The following GAP43 variants were observed in gnomAD, a reference collection of about 807,000 sequenced individuals.
The protein encoded by GAP43 is growth associated protein 43, also known as neuromodulin.
Under a neutral mutation model 18.6 loss-of-function variants are expected in GAP43, and 6 were observed. That is an observed-to-expected ratio of 0.32 (90% CI 0.18 to 0.64). GAP43 has a LOEUF of 0.64. Ranked by LOEUF, GAP43 falls within the 30% of genes least tolerant of loss-of-function variation. The pLI is 0.78. For missense variants in GAP43, 292 were observed against 295.5 expected, an observed-to-expected ratio of 0.99 and a Z score of 0.09; for synonymous variants, 115 against 111.4, an observed-to-expected ratio of 1.03 and a Z score of -0.20.
chr3:115,678,608 C>A (rs1456042804), intron 2 of GAP43, among the ~76,000 whole-genome samples: 1 of 152,080 alleles, frequency 6.6e-6, no homozygotes, highest in Non-Finnish European at 1.5e-5. Flanking sequence ...ATATATTTCT[C>A]TTGCATATTT....
At chr3:115,653,600 C>T (rs1708547301) in intron 1 of GAP43, among the ~76,000 whole-genome samples, 1 of 152,026 alleles carries the variant, frequency 6.6e-6, no homozygotes, top group Non-Finnish European at 1.5e-5. Flanking sequence ...TTTATTTCTC[C>T]CAAGACTAAG....
intron 2 of GAP43, among the ~76,000 whole-genome samples, chr3:115,701,520 C>G (rs970950791): frequency 6.6e-6 from 1 of 151,954 alleles, no homozygotes; most frequent in Non-Finnish European, 1.5e-5. Flanking sequence ...ACCTACATTC[C>G]TATCTTATCT....
chr3:115,657,164 G>A (rs1576984522), intron 1 of GAP43, among the ~76,000 whole-genome samples: 1 of 152,192 alleles, frequency 6.6e-6, no homozygotes, highest in African/African-American at 2.4e-5. Flanking sequence ...GAAACATCAT[G>A]TGGGGAGAGG....
At chr3:115,711,731 A>G (rs763892909) in intron 2 of GAP43, among the ~76,000 whole-genome samples, 11 of 152,160 alleles carry the variant, frequency 7.2e-5, no homozygotes, top group Non-Finnish European at 1.3e-4. Flanking sequence ...CAATGCCTCA[A>G]TAGACCCACA....
chr3:115,654,682 T>G (rs914930210), intron 1 of GAP43, among the ~76,000 whole-genome samples: 2 of 152,232 alleles, frequency 1.3e-5, no homozygotes, highest in Non-Finnish European at 2.9e-5. Context: ...ACAGTATGTT[T>G]ATCCCTGTTT....
chr3:115,637,725 TTACTGTC>T (rs1708346971), intron 1 of GAP43, among the ~76,000 whole-genome samples: 1 of 152,004 alleles, frequency 6.6e-6, no homozygotes, highest in Non-Finnish European at 1.5e-5. Context: ...GCTTTATATC[TTACTGTC>T]TACTGGAAAT....
chr3:115,671,183 A>G (rs1017237404), intron 1 of GAP43, among the ~76,000 whole-genome samples: 7 of 152,164 alleles, frequency 4.6e-5, no homozygotes, highest in African/African-American at 1.7e-4. Context: ...CTCTTTTGTA[A>G]CATATTGAAT....
At chr3:115,701,226 C>T (rs1559805236) in intron 2 of GAP43, among the ~76,000 whole-genome samples, 1 of 152,044 alleles carries the variant, frequency 6.6e-6, no homozygotes, top group East Asian at 1.9e-4. Context: ...TGACTCTATT[C>T]GTTCTGATAT....
intron 2 of GAP43, among the ~76,000 whole-genome samples, chr3:115,688,019 T>G (rs1443822619): frequency 2.6e-5 from 4 of 151,756 alleles, no homozygotes; most frequent in African/African-American, 7.3e-5. Flanking sequence ...ATTTATTTAT[T>G]TATTTATTTA....
At chr3:115,635,848 G>A (rs1373430787) in intron 1 of GAP43, among the ~76,000 whole-genome samples, 6 of 151,948 alleles carry the variant, frequency 3.9e-5, no homozygotes, top group Admixed American at 3.9e-4. Context: ...AAAGAGAACT[G>A]CCAATTTTGC....
intron 1 of GAP43, among the ~76,000 whole-genome samples, chr3:115,633,567 G>A (rs1434556181): frequency 6.6e-6 from 1 of 152,110 alleles, no homozygotes; most frequent in East Asian, 1.9e-4. Flanking sequence ...CATATTATTG[G>A]TAGGGTTATT....
intron 2 of GAP43, among the ~76,000 whole-genome samples, chr3:115,686,258 A>C (rs1448772086): frequency 6.6e-6 from 1 of 152,246 alleles, no homozygotes; most frequent in Non-Finnish European, 1.5e-5. Flanking sequence ...ATAATGTATC[A>C]GTGTAGAAGC....
chr3:115,698,139 TAATATATATTATATATAATATATAA>T (rs1709234527), intron 2 of GAP43, among the ~76,000 whole-genome samples: 1 of 14,620 alleles, frequency 6.8e-5, no homozygotes, highest in Non-Finnish European at 1.3e-4. Flanking sequence ...ATAATATATA[TAATATATATTATATATAATATATAA>T]AATATATTAA....
chr3:115,668,513 CT>C (rs1370895704), intron 1 of GAP43, among the ~76,000 whole-genome samples: 2 of 152,182 alleles, frequency 1.3e-5, no homozygotes, highest in Non-Finnish European at 2.9e-5. Flanking sequence ...CAACCTCCGC[CT>C]CCTGGGTTCA....
rs576880281 is a variant in GAP43, at chr3:115,645,512, A to G, written c.30+21793A>G. 2.2e-4 allele frequency among the ~76,000 whole-genome samples: 33 copies of G among 152,108 alleles called. No individual in the cohort carries two copies. In the South Asian group the frequency reaches 2.9e-3, roughly 13 times the overall value. On this transcript the variant is annotated intron_variant, in intron 1 of 2. Coordinates refer to ENST00000305124, the MANE Select transcript of GAP43 (RefSeq NM_002045.4). Reference sequence around the variant, plus strand: ...TATCTTCTTGTTTTGGCTTCTGTCAAACTTCATTGTACCTGGTCATTCTCT... The same window carrying G: ...TATCTTCTTGTTTTGGCTTCTGTCAGACTTCATTGTACCTGGTCATTCTCT...
chr3:115,634,693 C>T (rs184445097), intron 1 of GAP43, among the ~76,000 whole-genome samples: 112 of 152,066 alleles, frequency 7.4e-4, no homozygotes, highest in African/African-American at 2.0e-3. Context: ...TCTCTTCAGC[C>T]TAGGAGGTAT....
intron 1 of GAP43, among the ~76,000 whole-genome samples, chr3:115,626,391 T>C (rs1708188591): frequency 6.6e-6 from 1 of 152,132 alleles, no homozygotes; most frequent in Non-Finnish European, 1.5e-5. Flanking sequence ...TTGGAATACA[T>C]TGCCAGTGGG....
chr3:115,625,971 G>A (rs1708182483), intron 1 of GAP43, among the ~76,000 whole-genome samples: 1 of 152,174 alleles, frequency 6.6e-6, no homozygotes, highest in South Asian at 2.1e-4. Context: ...GTGTACTTCT[G>A]TGTGAAATGG....
In GAP43 at chr3:115,644,395, G is replaced by A. The variant is rs534708313; in HGVS notation, c.30+20676G>A. 9.7e-4 allele frequency among the ~76,000 whole-genome samples: 148 copies of A among 152,028 alleles called. No individual in the cohort carries two copies. Among genetic ancestry groups the A allele is most frequent in the African/African-American group, 3.4e-3 (140 of 41,514 alleles). Reference sequence around the variant, plus strand: ...GAGAGTGGGAGGAGTTCAAACACTGGTTGATAAAAGGATAACAAACCTGTA... The same window carrying A: ...GAGAGTGGGAGGAGTTCAAACACTGATTGATAAAAGGATAACAAACCTGTA... On this transcript the variant is annotated intron_variant, in intron 1 of 2. Coordinates refer to ENST00000305124, the MANE Select transcript of GAP43 (RefSeq NM_002045.4). The surrounding 1 kb of genome is among the most constrained non-coding windows in gnomAD (Gnocchi z 4.2).
Sources: allele counts gnomAD v4.1 joint callset (sites outside exome capture counted in the v4.1 genomes callset), GRCh38; gene constraint gnomAD v4.1.1; non-coding constraint Gnocchi (gnomAD v3.1); transcripts MANE v1.5; gene names NCBI Gene and HGNC (gene_info 2026-07-23, HGNC 2026-07-21).